CNTNAP2: variants seen among roughly 807,000 people sequenced by gnomAD.
The protein encoded by CNTNAP2 is contactin associated protein 2.
A neutral mutation model predicts 155.2 loss-of-function variants in CNTNAP2; 98 were observed. That is an observed-to-expected ratio of 0.63 (90% CI 0.54 to 0.75). CNTNAP2 has a LOEUF of 0.75. Ranked by LOEUF, CNTNAP2 falls within the 30% of genes least tolerant of loss-of-function variation. The pLI, the probability that CNTNAP2 is intolerant of heterozygous loss-of-function variation, is 0.00. For synonymous variants in CNTNAP2, 651 were observed against 631.2 expected (o/e 1.03, Z -0.47); for missense variants, 1,727 against 1,688.1 (o/e 1.02, Z -0.40).
chr7:146,185,111 A>G (rs1390204041), intron 1 of CNTNAP2, among the ~76,000 whole-genome samples: 2 of 152,218 alleles, frequency 1.3e-5, no homozygotes, highest in African/African-American at 4.8e-5. Context: ...AGGCCAATCC[A>G]TAAACATTCT....
chr7:146,353,728 A>G (rs552179224), intron 1 of CNTNAP2, among the ~76,000 whole-genome samples: 1 of 152,046 alleles, frequency 6.6e-6, no homozygotes, highest in African/African-American at 2.4e-5. Flanking sequence ...ACACCTGACA[A>G]AGGTAGTAGC....
intron 14 of CNTNAP2, among the ~76,000 whole-genome samples, chr7:147,926,606 T>A (rs1278978769): frequency 1.3e-5 from 2 of 152,176 alleles, no homozygotes; most frequent in Non-Finnish European, 2.9e-5. Flanking sequence ...AAATTAAAAT[T>A]AAAGTTGGAT....
intron 9 of CNTNAP2, among the ~76,000 whole-genome samples, chr7:147,366,047 C>T (rs1796224465): frequency 6.6e-6 from 1 of 152,146 alleles, no homozygotes; most frequent in Non-Finnish European, 1.5e-5. Flanking sequence ...TCCTTTCCTT[C>T]ATCAAGAATT....
intron 13 of CNTNAP2, among the ~76,000 whole-genome samples, chr7:147,656,999 A>G (rs1795535452): frequency 1.3e-5 from 2 of 152,200 alleles, no homozygotes; most frequent in African/African-American, 2.4e-5. Flanking sequence ...ACACACACTC[A>G]CAAACACACA....
At chr7:147,794,796 A>G (rs1221261259) in intron 13 of CNTNAP2, among the ~76,000 whole-genome samples, 1 of 150,762 alleles carries the variant, frequency 6.6e-6, no homozygotes, top group Admixed American at 6.6e-5. Context: ...AATATATTCT[A>G]TTTCTTTCTG....
At chr7:147,878,612 A>G (rs1010997997) in intron 13 of CNTNAP2, among the ~76,000 whole-genome samples, 1 of 152,116 alleles carries the variant, frequency 6.6e-6, no homozygotes, top group African/African-American at 2.4e-5. Flanking sequence ...TAGTTTAATA[A>G]ATTATACTTG....
chr7:147,509,645 T>C (rs983057606), intron 11 of CNTNAP2, among the ~76,000 whole-genome samples: 3 of 152,116 alleles, frequency 2.0e-5, no homozygotes, highest in African/African-American at 7.2e-5. Flanking sequence ...AGTTACACTT[T>C]AAGCTGGCTT....
Position 147,368,017 on chromosome 7 carries a change from CCCCCT to C in CNTNAP2, c.1499-27587_1499-27583del, listed in dbSNP as rs375882756. On this transcript the variant is annotated intron_variant, in intron 9 of 23. Transcript: ENST00000361727. ...CTCTCTCTCTGTCTCTCTCTCTCCC[CCCCCT>C]CCCCCTCCTCCTCTGTCCCCCTCCC... 2.9e-3 allele frequency among the ~76,000 whole-genome samples: 302 copies of C among 104,178 alleles called. 13 individuals carry two copies. Among genetic ancestry groups the C allele is most frequent in the African/African-American group, 0.01 (239 of 23,014 alleles). 68.3% of individuals were successfully genotyped at this position (104,178 alleles called of 152,430 possible). A position where few individuals can be genotyped will look rare whatever the true frequency, so the allele number is the denominator to read the frequency against.
intron 15 of CNTNAP2, among the ~76,000 whole-genome samples, chr7:147,988,756 G>A (rs527731643): frequency 6.0e-4 from 91 of 152,250 alleles, no homozygotes; most frequent in African/African-American, 2.1e-3. Flanking sequence ...TTGAATCCCC[G>A]TAATTTGGTT....
chr7:146,857,362 C>G (rs991696284), intron 3 of CNTNAP2, among the ~76,000 whole-genome samples: 1 of 152,094 alleles, frequency 6.6e-6, no homozygotes, highest in African/African-American at 2.4e-5. Flanking sequence ...AAAAGTTAAA[C>G]AGATTTAATA....
chr7:146,359,801 TGTGC>T (rs1473063550), intron 1 of CNTNAP2, among the ~76,000 whole-genome samples: 6 of 152,126 alleles, frequency 3.9e-5, no homozygotes, highest in East Asian at 3.9e-4. Flanking sequence ...TATGTGTGTG[TGTGC>T]GTGCGTGCGC....
intron 13 of CNTNAP2, among the ~76,000 whole-genome samples, chr7:147,688,216 T>C (rs1220248329): frequency 1.3e-5 from 2 of 152,070 alleles, no homozygotes; most frequent in Middle Eastern, 3.2e-3. Context: ...CAGACATTGC[T>C]GGAAATAAAG....
intron 13 of CNTNAP2, among the ~76,000 whole-genome samples, chr7:147,771,111 A>G (rs1797462371): frequency 6.6e-6 from 1 of 152,224 alleles, no homozygotes; most frequent in Non-Finnish European, 1.5e-5. Flanking sequence ...AAAAATAACT[A>G]TGTTTTAATA....
At chr7:147,094,320 C>T (rs1372424073) in intron 4 of CNTNAP2, among the ~76,000 whole-genome samples, 1 of 152,052 alleles carries the variant, frequency 6.6e-6, no homozygotes, top group East Asian at 1.9e-4. Context: ...TACAGCTCTC[C>T]TCTTTTCTTC....
chr7:147,614,739 A>G (rs1408260383), intron 12 of CNTNAP2, among the ~76,000 whole-genome samples: 1 of 151,726 alleles, frequency 6.6e-6, no homozygotes, highest in East Asian at 1.9e-4. Context: ...TTTTGTGACT[A>G]ATTCTTTGAA....
intron 1 of CNTNAP2, among the ~76,000 whole-genome samples, chr7:146,608,776 T>A (rs1459848165): frequency 2.0e-5 from 3 of 152,204 alleles, no homozygotes; most frequent in African/African-American, 7.2e-5. Context: ...GTTCTATCTC[T>A]AACAATTTCA....
At chr7:146,457,924 C>T (rs1244328623) in intron 1 of CNTNAP2, among the ~76,000 whole-genome samples, 1 of 152,076 alleles carries the variant, frequency 6.6e-6, no homozygotes, top group African/African-American at 2.4e-5. Flanking sequence ...GATCATCACT[C>T]AACAATGAGT....
rs527911850 is a variant in CNTNAP2, at chr7:147,691,471, A to G, written c.2098+52165A>G. Among the ~76,000 whole-genome samples the G allele has an allele frequency of 2.6e-3, 398 of 152,256 alleles. 1 individual carries two copies. The highest frequency in any genetic ancestry group is 9.2e-3 in the African/African-American group (384 of 41,554). On this transcript the variant is annotated intron_variant, in intron 13 of 23. Coordinates refer to ENST00000361727, the MANE Select transcript of CNTNAP2 (RefSeq NM_014141.6). ...ATACATGTTATTTGAAAGACTCAAT[A>G]TTATCACAATATCTACTCTTCCTAA...
At chr7:146,782,899 G>A (rs1462333574) in intron 2 of CNTNAP2, among the ~76,000 whole-genome samples, 1 of 152,112 alleles carries the variant, frequency 6.6e-6, no homozygotes, top group Non-Finnish European at 1.5e-5. Context: ...TTACAAAGAC[G>A]ATGCCTCCTT....
Sources: allele counts gnomAD v4.1 joint callset (sites outside exome capture counted in the v4.1 genomes callset), GRCh38; gene constraint gnomAD v4.1.1; transcripts MANE v1.5; gene names NCBI Gene and HGNC (gene_info 2026-07-23, HGNC 2026-07-21).